MGAT4C: variants seen among roughly 807,000 people sequenced by gnomAD.
MGAT4C encodes the protein alpha-1,3-mannosyl-glycoprotein 4-beta-N-acetylglucosaminyltransferase C.
Under a neutral mutation model 40.1 loss-of-function variants are expected in MGAT4C, and 19 were observed. The observed-to-expected ratio is 0.47, with a 90% CI of 0.33 to 0.70. The LOEUF (loss-of-function observed/expected upper bound fraction) is 0.70. Among genes scored for constraint, MGAT4C ranks in the 30% least tolerant of loss-of-function variants. MGAT4C has a pLI of 0.02. For missense variants in MGAT4C, 491 were observed against 563.2 expected (o/e 0.87, Z 1.30); for synonymous variants, 181 against 187.1 (o/e 0.97, Z 0.27).
intron 1 of MGAT4C, among the ~76,000 whole-genome samples, chr12:86,733,475 C>T (rs1950941956): frequency 6.6e-6 from 1 of 151,992 alleles, no homozygotes; most frequent in South Asian, 2.1e-4. Context: ...TGAGAGAAAG[C>T]AAGCAGATGT....
At chr12:86,552,318 A>C (rs1002433459) in intron 2 of MGAT4C, among the ~76,000 whole-genome samples, 2 of 152,094 alleles carry the variant, frequency 1.3e-5, no homozygotes, top group Non-Finnish European at 1.5e-5. Context: ...TGGAAGCAAA[A>C]AAGGTGATTT....
intron 2 of MGAT4C, among the ~76,000 whole-genome samples, chr12:86,584,884 T>C (rs1960943361): frequency 8.1e-6 from 1 of 122,792 alleles, no homozygotes; most frequent in African/African-American, 2.9e-5. Flanking sequence ...GTCATTTGCA[T>C]TTTCTCTTCA....
intron 1 of MGAT4C, among the ~76,000 whole-genome samples, chr12:86,200,791 A>G (rs1950023579): frequency 6.6e-6 from 1 of 152,150 alleles, no homozygotes; most frequent in Non-Finnish European, 1.5e-5. Context: ...CTGTATTTAG[A>G]AAGGTGTATA....
chr12:86,788,584 G>T (rs987452454), intron 1 of MGAT4C, among the ~76,000 whole-genome samples: 4 of 151,858 alleles, frequency 2.6e-5, no homozygotes, highest in African/African-American at 9.7e-5. Context: ...CCATAATTTG[G>T]CCAGAGTCAA....
chr12:86,315,176 C>T (rs577687123), intron 4 of MGAT4C, among the ~76,000 whole-genome samples: 52 of 151,956 alleles, frequency 3.4e-4, no homozygotes, highest in South Asian at 1.2e-3. Context: ...CATAGACCAA[C>T]GAAACAGAAT....
At chr12:86,376,004 T>C (rs1955815147) in intron 3 of MGAT4C, among the ~76,000 whole-genome samples, 1 of 152,054 alleles carries the variant, frequency 6.6e-6, no homozygotes, top group Admixed American at 6.6e-5. Context: ...GATTGAACGT[T>C]AAGGTAAATT....
At chr12:86,484,974 A>G (rs994523695) in intron 2 of MGAT4C, among the ~76,000 whole-genome samples, 1 of 152,212 alleles carries the variant, frequency 6.6e-6, no homozygotes, top group African/African-American at 2.4e-5. Flanking sequence ...ACTAGATTAC[A>G]GTTCAAATTA....
intron 1 of MGAT4C, among the ~76,000 whole-genome samples, chr12:86,201,630 G>A (rs1338852768): frequency 2.0e-5 from 3 of 151,542 alleles, no homozygotes; most frequent in Non-Finnish European, 4.4e-5. Flanking sequence ...TGCTTTTAGT[G>A]TTGTTTTGAC....
intron 2 of MGAT4C, chr12:86,011,902 C>T (rs1214297112): frequency 2.0e-6 from 2 of 977,858 alleles, no homozygotes; most frequent in Admixed American, 1.2e-4. Context: ...CATGCTACTG[C>T]CTGAAAATAG....
At chr12:86,505,267 T>A (rs1252357373) in intron 2 of MGAT4C, among the ~76,000 whole-genome samples, 1 of 152,150 alleles carries the variant, frequency 6.6e-6, no homozygotes, top group Non-Finnish European at 1.5e-5. Context: ...ATACAAGCCA[T>A]AATAAACTAT....
chr12:86,656,861 T>C (rs1315337919), intron 2 of MGAT4C, among the ~76,000 whole-genome samples: 4 of 152,056 alleles, frequency 2.6e-5, no homozygotes, highest in Non-Finnish European at 4.4e-5. Context: ...AGAGCTTCAG[T>C]AGAGGTTTAG....
chr12:86,189,590 C>T (rs1169247440), intron 1 of MGAT4C, among the ~76,000 whole-genome samples: 1 of 151,982 alleles, frequency 6.6e-6, no homozygotes, highest in Non-Finnish European at 1.5e-5. Flanking sequence ...TTCCTATTAG[C>T]AAATAAGGGA....
At chr12:86,199,499 C>T (rs976407998) in intron 1 of MGAT4C, among the ~76,000 whole-genome samples, 2 of 151,886 alleles carry the variant, frequency 1.3e-5, no homozygotes, top group African/African-American at 4.8e-5. Context: ...ATTCATAATA[C>T]AATAATAAGC....
intron 1 of MGAT4C, among the ~76,000 whole-genome samples, chr12:86,180,822 G>GA (rs1162729979): frequency 2.0e-5 from 3 of 152,312 alleles, no homozygotes; most frequent in Admixed American, 2.0e-4. Context: ...TGTCTCAGAT[G>GA]AAACTTTGGA....
At chr12:86,621,692 G>T (rs1962643231) in intron 2 of MGAT4C, among the ~76,000 whole-genome samples, 1 of 152,082 alleles carries the variant, frequency 6.6e-6, no homozygotes, top group Admixed American at 6.6e-5. Context: ...TGTCCAGGCT[G>T]CTCTTGAACT....
At chr12:86,672,170 A>G (rs1343086649) in intron 2 of MGAT4C, among the ~76,000 whole-genome samples, 1 of 152,070 alleles carries the variant, frequency 6.6e-6, no homozygotes, top group Non-Finnish European at 1.5e-5. Context: ...ATTAAACTAG[A>G]TGCTCTTGAA....
intron 2 of MGAT4C, among the ~76,000 whole-genome samples, chr12:86,527,422 T>A (rs750021749): frequency 2.6e-5 from 4 of 152,208 alleles, no homozygotes; most frequent in Non-Finnish European, 4.4e-5. Context: ...TGAAGTCAGG[T>A]AATGTAATGC....
rs566514309 is a variant in MGAT4C, at chr12:86,598,565, A to G, written c.-229+128644T>C. Among the ~76,000 whole-genome samples the G allele has an allele frequency of 2.6e-5, 4 of 152,240 alleles. No homozygotes were observed. In the South Asian group the frequency reaches 6.2e-4, roughly 24 times the overall value. Reference sequence around the variant, plus strand: ...ACTCTACTTTCTAATTGTGTTGATAAAAGTTAGCAAAAATTCCCTTCATCA... The same window carrying G: ...ACTCTACTTTCTAATTGTGTTGATAGAAGTTAGCAAAAATTCCCTTCATCA... On this transcript the variant is annotated intron_variant, in intron 2 of 7. Transcript: ENST00000548651.
At chr12:86,570,658 A>G (rs1960324286) in intron 2 of MGAT4C, among the ~76,000 whole-genome samples, 1 of 152,162 alleles carries the variant, frequency 6.6e-6, no homozygotes, top group Non-Finnish European at 1.5e-5. Flanking sequence ...ATATACATGT[A>G]TGCTTCAGGA....
Sources: allele counts gnomAD v4.1 joint callset (sites outside exome capture counted in the v4.1 genomes callset), GRCh38; gene constraint gnomAD v4.1.1; transcripts MANE v1.5; gene names NCBI Gene and HGNC (gene_info 2026-07-23, HGNC 2026-07-21).